The following HOOK3 variants were observed in gnomAD, a reference collection of about 807,000 sequenced individuals.
HOOK3 encodes the protein hook microtubule tethering protein 3.
Under a neutral mutation model 116.3 loss-of-function variants are expected in HOOK3, and 24 were observed. The observed-to-expected ratio is 0.21, with a 90% CI of 0.15 to 0.29. The LOEUF is 0.29. Among genes scored for constraint, HOOK3 ranks in the 10% least tolerant of loss-of-function variants. The pLI is 1.00. For missense variants in HOOK3, 632 were observed against 830.2 expected (o/e 0.76, Z 2.93); for synonymous variants, 275 against 283.0 (o/e 0.97, Z 0.28).
intron 17 of HOOK3, among the ~76,000 whole-genome samples, chr8:43,005,314 G>A (rs1021059059): frequency 2.8e-5 from 4 of 143,320 alleles, no homozygotes; most frequent in South Asian, 2.3e-4. Context: ...TCCGCTTCCC[G>A]GGTTCACGAC....
chr8:43,013,530 C>A, intron 21 of HOOK3, 130 bp downstream of exon 21: 1 of 678,054 alleles, frequency 1.5e-6, no homozygotes, highest in Non-Finnish European at 2.3e-6. Flanking sequence ...CATACACTAA[C>A]AGAATCTTAA....
At chr8:42,903,411 C>G (rs1213614392) in intron 1 of HOOK3, among the ~76,000 whole-genome samples, 1 of 132,560 alleles carries the variant, frequency 7.5e-6, no homozygotes, top group Non-Finnish European at 1.5e-5. Context: ...GTGGCGCGAT[C>G]TCGGCTCACT....
intron 11 of HOOK3, among the ~76,000 whole-genome samples, chr8:42,969,486 A>G (rs1363182720): frequency 6.6e-6 from 1 of 152,168 alleles, no homozygotes; most frequent in East Asian, 1.9e-4. Flanking sequence ...TTAGCTGGGC[A>G]TGGTGGCATG....
chr8:42,902,105 C>A (rs1336125068), intron 1 of HOOK3, among the ~76,000 whole-genome samples: 1 of 152,130 alleles, frequency 6.6e-6, no homozygotes, highest in Non-Finnish European at 1.5e-5. Flanking sequence ...TCCAATCTTG[C>A]ATCCCTTCCC....
intron 4 of HOOK3, among the ~76,000 whole-genome samples, chr8:42,939,947 T>C (rs1808071889): frequency 6.7e-6 from 1 of 148,928 alleles, no homozygotes; most frequent in Admixed American, 6.7e-5. Flanking sequence ...GAGGCGCTCC[T>C]CACTTCCTAG....
At chr8:42,959,362 A>G in intron 8 of HOOK3, 48 bp downstream of exon 8, 1 of 1,153,438 alleles carries the variant, frequency 8.7e-7, no homozygotes, top group Non-Finnish European at 1.3e-6. Flanking sequence ...TACCACTGTA[A>G]ATACCACCAA....
intron 4 of HOOK3, among the ~76,000 whole-genome samples, chr8:42,939,848 C>A (rs888126675): frequency 6.7e-6 from 1 of 148,630 alleles, no homozygotes; most frequent in African/African-American, 2.5e-5. Context: ...CCGGACGGGG[C>A]GGCAGGGCAG....
chr8:42,963,180 T>C (rs1283688774), intron 8 of HOOK3, among the ~76,000 whole-genome samples: 1 of 152,164 alleles, frequency 6.6e-6, no homozygotes, highest in Non-Finnish European at 1.5e-5. Context: ...TATTGCTGAG[T>C]AGTAGTACAG....
At chr8:42,941,517 C>T (rs1421560949) in intron 4 of HOOK3, among the ~76,000 whole-genome samples, 1 of 44,028 alleles carries the variant, frequency 2.3e-5, no homozygotes, top group Non-Finnish European at 4.6e-5. Flanking sequence ...GACTCCGTCT[C>T]AAAAAAAAAA....
At chr8:42,913,536 A>G (rs1807474943) in intron 2 of HOOK3, among the ~76,000 whole-genome samples, 1 of 152,232 alleles carries the variant, frequency 6.6e-6, no homozygotes, top group African/African-American at 2.4e-5. Context: ...CATGTGGGCT[A>G]TTTCCAGTGG....
chr8:43,025,754 G>T lies in HOOK3; in HGVS notation c.*7256G>T, dbSNP rs11987452. 2 of 215,928 alleles carry T rather than the reference G, an allele frequency of 9.3e-6. No individual in the cohort carries two copies. The highest frequency in any genetic ancestry group is 5.8e-5 in the Admixed American group (1 of 17,102). 13.4% of individuals were successfully genotyped at this position (215,928 alleles called of 1,614,324 possible). ...GTGGCTGAAAATCGTGACCAACTTG[G>T]TGTTATCTAGATCTGCTTTATCTAG... On this transcript the variant is annotated 3_prime_UTR_variant, in exon 22 of 22. Coordinates refer to ENST00000307602, the MANE Select transcript of HOOK3 (RefSeq NM_032410.4).
chr8:42,964,241 A>G, intron 8 of HOOK3, 70 bp from the exon 9 acceptor site: 1 of 1,453,894 alleles, frequency 6.9e-7, no homozygotes, highest in Non-Finnish European at 9.6e-7. Context: ...TGTAATGGTA[A>G]TTCACAAGTG....
chr8:43,012,795 T>C (rs898363947), intron 19 of HOOK3, among the ~76,000 whole-genome samples: 3 of 152,012 alleles, frequency 2.0e-5, no homozygotes, highest in Non-Finnish European at 4.4e-5. Flanking sequence ...TAGAGATGGT[T>C]CTCACTATGT....
intron 8 of HOOK3, 96 bp downstream of exon 8, chr8:42,959,410 A>C (rs13279756): frequency 4.2e-5 from 33 of 786,412 alleles, no homozygotes; most frequent in Admixed American, 2.5e-5. Context: ...TCTTAACTAT[A>C]ACGCAACCCT....
intron 4 of HOOK3, among the ~76,000 whole-genome samples, chr8:42,940,672 G>A (rs1057189459): frequency 6.6e-6 from 1 of 152,194 alleles, no homozygotes; most frequent in Non-Finnish European, 1.5e-5. Flanking sequence ...CTCTCTGGAT[G>A]CCCTTAACAT....
chr8:42,996,152 G>A (rs539303488), intron 15 of HOOK3, among the ~76,000 whole-genome samples: 2 of 152,136 alleles, frequency 1.3e-5, no homozygotes, highest in Admixed American at 6.5e-5. Flanking sequence ...TTGGGAGGCC[G>A]AGGCAGGTGG....
chr8:42,937,092 A>G (rs1291241105), intron 4 of HOOK3, among the ~76,000 whole-genome samples: 1 of 151,850 alleles, frequency 6.6e-6, no homozygotes, highest in Non-Finnish European at 1.5e-5. Flanking sequence ...CAGGGATTTG[A>G]CTTCTTTCCT....
rs755667186 is a variant in HOOK3 at position 42,973,274 on chromosome 8, A to T, written c.1123-15A>T. 9 of 1,594,024 alleles carry T rather than the reference A, an allele frequency of 5.6e-6. No individual in the cohort carries two copies. The Admixed American group carries it at 1.3e-4, about 23-fold the overall frequency. Reference sequence around the variant, plus strand: ...TCTCAGATTATGTATAAGTAATGGTATCTTTCTGTATCAGGTAGTAGAACT... The same window carrying T: ...TCTCAGATTATGTATAAGTAATGGTTTCTTTCTGTATCAGGTAGTAGAACT... On this transcript the variant is annotated splice_polypyrimidine_tract_variant and intron_variant, in intron 11 of 21. Coordinates refer to ENST00000307602, the MANE Select transcript of HOOK3 (RefSeq NM_032410.4).
intron 13 of HOOK3, among the ~76,000 whole-genome samples, chr8:42,976,634 A>G (rs963596666): frequency 6.6e-6 from 1 of 152,192 alleles, no homozygotes; most frequent in Non-Finnish European, 1.5e-5. Flanking sequence ...ACAGTGGCTC[A>G]TGCCTGTAAT....
Sources: gnomAD v4.1 joint callset for allele counts (sites outside exome capture counted in the v4.1 genomes callset) on GRCh38, gnomAD v4.1.1 for gene constraint, MANE v1.5 for transcripts, NCBI Gene and HGNC (gene_info 2026-07-23, HGNC 2026-07-21) for gene names.